EXOC4: variants seen among roughly 807,000 people sequenced by gnomAD.
EXOC4 encodes the protein SEC8-like 1.
Under a neutral mutation model 107.2 loss-of-function variants are expected in EXOC4, and 71 were observed. That is an observed-to-expected ratio of 0.66 (90% CI 0.55 to 0.81). EXOC4 has a LOEUF of 0.81. EXOC4 is among the 30% of genes least tolerant of loss of function. EXOC4 has a pLI of 0.00. For missense variants in EXOC4, 1,108 were observed against 1,189.6 expected, an observed-to-expected ratio of 0.93 and a Z score of 1.01; for synonymous variants, 456 against 441.2, an observed-to-expected ratio of 1.03 and a Z score of -0.42.
At chr7:133,734,506 A>G (rs947249102) in intron 10 of EXOC4, among the ~76,000 whole-genome samples, 8 of 147,102 alleles carry the variant, frequency 5.4e-5, no homozygotes, top group Middle Eastern at 3.3e-3. Flanking sequence ...GATTCCATTT[A>G]TTGGAAAAAT....
chr7:133,946,928 C>CT (rs1308541932), intron 14 of EXOC4, among the ~76,000 whole-genome samples: 3 of 152,200 alleles, frequency 2.0e-5, no homozygotes, highest in African/African-American at 7.2e-5. Context: ...TTACTTTTGA[C>CT]TCTCCTCACA....
intron 11 of EXOC4, among the ~76,000 whole-genome samples, chr7:133,817,915 C>T (rs1797413546): frequency 1.3e-5 from 2 of 152,166 alleles, no homozygotes; most frequent in Non-Finnish European, 2.9e-5. Context: ...TGCCCAACTT[C>T]AATTACCAGC....
At chr7:134,072,318 G>A in the EXOC4 span, among the ~76,000 whole-genome samples, 6 of 152,282 alleles carry the variant, frequency 3.9e-5, no homozygotes, top group East Asian at 1.2e-3. Context: ...TTTAATGTAA[G>A]TTATACATGA....
In EXOC4 at chr7:133,825,464, G is replaced by A. The variant is rs549725457; in HGVS notation, c.1734+7920G>A. On this transcript the variant is annotated intron_variant, in intron 11 of 17. Coordinates refer to ENST00000253861, the MANE Select transcript of EXOC4 (RefSeq NM_021807.4). ...ACAAGGTTCAAAGTGAAAGTTTTTGGTAGGCTGAGTGATTGCTGGAGCTCT... is the reference window on the plus strand; with the variant it reads ...ACAAGGTTCAAAGTGAAAGTTTTTGATAGGCTGAGTGATTGCTGGAGCTCT... Among the ~76,000 whole-genome samples the A allele has an allele frequency of 8.1e-4, 123 of 152,116 alleles. 2 individuals carry two copies. Among genetic ancestry groups the A allele is most frequent in the Non-Finnish European group, 1.6e-4 (11 of 68,036 alleles).
intron 10 of EXOC4, among the ~76,000 whole-genome samples, chr7:133,681,458 TCTA>T (rs1168463383): frequency 5.3e-5 from 8 of 152,194 alleles, no homozygotes; most frequent in Non-Finnish European, 1.2e-4. Context: ...TAGGACACCT[TCTA>T]CTTATTCACA....
the EXOC4 span, among the ~76,000 whole-genome samples, chr7:134,098,282 C>T: frequency 6.6e-6 from 1 of 152,154 alleles, no homozygotes; most frequent in African/African-American, 2.4e-5. Context: ...CTTAATCCCT[C>T]ACCCGGTGAC....
intron 6 of EXOC4, among the ~76,000 whole-genome samples, chr7:133,371,996 A>G (rs925303773): frequency 3.9e-5 from 6 of 152,184 alleles, no homozygotes; most frequent in Admixed American, 3.9e-4. Flanking sequence ...GATGTTAAGC[A>G]TCTTTTTGTT....
intron 7 of EXOC4, among the ~76,000 whole-genome samples, chr7:133,465,862 G>T (rs1440341582): frequency 6.6e-6 from 1 of 152,136 alleles, no homozygotes; most frequent in East Asian, 1.9e-4. Flanking sequence ...TCGGCCGGGG[G>T]CAGTGGCTCA....
intron 11 of EXOC4, among the ~76,000 whole-genome samples, chr7:133,830,995 C>T (rs1797798213): frequency 6.6e-6 from 1 of 151,846 alleles, no homozygotes; most frequent in Non-Finnish European, 1.5e-5. Flanking sequence ...GACAGAGTCT[C>T]GCTCTATCGC....
intron 17 of EXOC4, among the ~76,000 whole-genome samples, chr7:134,050,216 G>C (rs1563104684): frequency 6.6e-6 from 1 of 152,188 alleles, no homozygotes; most frequent in Non-Finnish European, 1.5e-5. Flanking sequence ...TGGTGGGAGA[G>C]AGGCTTTACG....
intron 10 of EXOC4, among the ~76,000 whole-genome samples, chr7:133,767,506 A>G (rs1023566677): frequency 5.3e-5 from 8 of 151,940 alleles, no homozygotes; most frequent in Non-Finnish European, 1.0e-4. Flanking sequence ...TGTACACACC[A>G]CTGAGTTCCT....
intron 9 of EXOC4, among the ~76,000 whole-genome samples, chr7:133,603,901 T>G (rs1254236730): frequency 6.6e-6 from 1 of 152,222 alleles, no homozygotes; most frequent in African/African-American, 2.4e-5. Context: ...TTTTCAACTT[T>G]TTTACTCTTG....
the EXOC4 span, among the ~76,000 whole-genome samples, chr7:134,088,424 G>T: frequency 1.3e-5 from 2 of 152,148 alleles, no homozygotes; most frequent in Admixed American, 1.3e-4. Flanking sequence ...TTACCTAATT[G>T]TTAAAAGCTG....
At chr7:133,859,466 C>T (rs1356685651) in intron 11 of EXOC4, among the ~76,000 whole-genome samples, 1 of 152,128 alleles carries the variant, frequency 6.6e-6, no homozygotes. Context: ...ATCCTGGTAC[C>T]CACACTGGAA....
At chr7:133,322,072 T>C (rs1021248354) in intron 5 of EXOC4, among the ~76,000 whole-genome samples, 2 of 152,220 alleles carry the variant, frequency 1.3e-5, no homozygotes, top group African/African-American at 2.4e-5. Context: ...GGTTGTTTGT[T>C]TTTTTCTTGT....
intron 7 of EXOC4, among the ~76,000 whole-genome samples, chr7:133,429,551 G>A (rs977125422): frequency 3.9e-5 from 6 of 152,084 alleles, no homozygotes; most frequent in Admixed American, 1.3e-4. Flanking sequence ...GAACATGTTC[G>A]TCACTCCAGG....
Position 133,307,237 on chromosome 7 carries a change from T to C in EXOC4, c.656+1176T>C, listed in dbSNP as rs182124033. Among the ~76,000 whole-genome samples the C allele has an allele frequency of 6.6e-5, 10 of 152,308 alleles. No individual in the cohort carries two copies. The East Asian group carries it at 1.5e-3, about 24-fold the overall frequency. On this transcript the variant is annotated intron_variant, in intron 4 of 17. Coordinates refer to ENST00000253861, the MANE Select transcript of EXOC4 (RefSeq NM_021807.4). ...AGAGAAAGAGAGGTTTCTACCTCTT[T>C]TCAGCAGATAGGCACTAGAAAAACT... is the stretch of plus-strand genomic sequence containing the variant.
intron 11 of EXOC4, among the ~76,000 whole-genome samples, chr7:133,858,574 C>A (rs993584549): frequency 6.6e-6 from 1 of 152,150 alleles, no homozygotes; most frequent in African/African-American, 2.4e-5. Context: ...GGACCTGCCT[C>A]TTCTTGCCTA....
At chr7:133,583,965 G>T (rs539445261) in intron 9 of EXOC4, among the ~76,000 whole-genome samples, 1 of 152,316 alleles carries the variant, frequency 6.6e-6, no homozygotes, top group South Asian at 2.1e-4. Context: ...GTGTCTGGAG[G>T]ATAGTGACTG....
Sources: allele counts gnomAD v4.1 joint callset (sites outside exome capture counted in the v4.1 genomes callset), GRCh38; gene constraint gnomAD v4.1.1; transcripts MANE v1.5; gene names NCBI Gene and HGNC (gene_info 2026-07-23, HGNC 2026-07-21).